Variants in MFHAS1 observed in about 807,000 individuals in gnomAD.
MFHAS1 encodes the protein multifunctional ROCO family signaling regulator 1, also known as malignant fibrous histiocytoma-amplified sequence 1.
In MFHAS1, 50 loss-of-function variants were observed where a neutral mutation model predicts 70.4. That is an observed-to-expected ratio of 0.71 (90% CI 0.57 to 0.90). The LOEUF (loss-of-function observed/expected upper bound fraction) is 0.90, where lower values mean the gene tolerates loss of function less well. Ranked by LOEUF, MFHAS1 falls within the 40% of genes least tolerant of loss-of-function variation. The pLI, the probability that MFHAS1 is intolerant of heterozygous loss-of-function variation, is 0.00. For synonymous variants in MFHAS1, 952 were observed against 620.0 expected, an observed-to-expected ratio of 1.54 and a Z score of -7.96; for missense variants, 1,795 against 1,347.6, an observed-to-expected ratio of 1.33 and a Z score of -5.20.
Position 8,828,873 on chromosome 8 carries a change from G to A in MFHAS1, c.2999-31382C>T, listed in dbSNP as rs543606451. On this transcript the variant is annotated intron_variant, in intron 1 of 2. Transcript: ENST00000276282. ...GTAGATTCCTTAGAGACTAGTGGCC[G>A]AGCTCTTATCCCGCCCCTAGCTCAG... Among the ~76,000 whole-genome samples, 12 of 152,258 alleles carry A rather than the reference G, an allele frequency of 7.9e-5. No individual in the cohort carries two copies. The East Asian group carries it at 1.5e-3, about 20-fold the overall frequency.
chr8:8,830,322 A>G (rs1807336990), intron 1 of MFHAS1, among the ~76,000 whole-genome samples: 1 of 152,208 alleles, frequency 6.6e-6, no homozygotes, highest in South Asian at 2.1e-4. Context: ...CATTTTAACT[A>G]AAAGAAGACT....
chr8:8,887,999 T>C lies in MFHAS1; in HGVS notation c.2998+2062A>G, dbSNP rs73662204. ...TTATTACTTTGGATTAAGAATGGCT[T>C]CAGGTTGCTCCTTCAGTAAACTACC... On this transcript the variant is annotated intron_variant, in intron 1 of 2. Transcript: ENST00000276282. 3.4e-3 allele frequency among the ~76,000 whole-genome samples: 515 copies of C among 152,330 alleles called. 5 individuals are homozygous for C. Among genetic ancestry groups the C allele is most frequent in the African/African-American group, 0.011 (467 of 41,574 alleles).
At chr8:8,838,536 G>C (rs1241348817) in intron 1 of MFHAS1, among the ~76,000 whole-genome samples, 3 of 152,086 alleles carry the variant, frequency 2.0e-5, no homozygotes, top group Non-Finnish European at 4.4e-5. Flanking sequence ...ATATCAGCTG[G>C]GCACGTTGGC....
intron 1 of MFHAS1, among the ~76,000 whole-genome samples, chr8:8,833,651 A>G (rs1474819163): frequency 6.6e-6 from 1 of 152,096 alleles, no homozygotes; most frequent in Non-Finnish European, 1.5e-5. Context: ...AATTAAATCA[A>G]CAAATAAACA....
intron 1 of MFHAS1, among the ~76,000 whole-genome samples, chr8:8,839,126 T>A (rs56218435): frequency 0.087 from 13,198 of 152,168 alleles, 731 homozygotes; most frequent in Middle Eastern, 0.13. Context: ...CTATTCTGGA[T>A]ATTACTTAGT....
Position 8,797,489 on chromosome 8 carries a change from C to A in MFHAS1, c.3001G>T (p.Glu1001Ter), listed in dbSNP as rs1805947731. 1.2e-6 allele frequency: 2 copies of A among 1,613,236 alleles called. No individual in the cohort carries two copies. The highest frequency in any genetic ancestry group is 8.5e-7 in the Non-Finnish European group (1 of 1,179,386). Residue 1001 changes from glutamate to a stop codon, truncating the protein, a stop_gained and splice_region_variant, in exon 2 of 3, where the codon GAG (glutamate) becomes TAG (stop). Transcript: ENST00000276282. LOFTEE classifies it high-confidence loss of function. Reference protein sequence around the residue: ...GSPNPHAFPGELLSQPRPEGV... With the variant: ...GSPNPHAFPG ...TCCGGTCTGGGCTGACTCAGCAACT[C>A]CCCTGTAGGAGGAGAGAGAAAAACG...
intron 1 of MFHAS1, among the ~76,000 whole-genome samples, chr8:8,842,009 C>G (rs1231707927): frequency 6.6e-6 from 1 of 152,182 alleles, no homozygotes; most frequent in Non-Finnish European, 1.5e-5. Flanking sequence ...CGGTGTTTCT[C>G]TACGGTGAAA....
intron 1 of MFHAS1, among the ~76,000 whole-genome samples, chr8:8,798,774 C>T (rs939983865): frequency 7.2e-5 from 11 of 152,134 alleles, no homozygotes; most frequent in African/African-American, 9.7e-5. Flanking sequence ...CCGGGCTGGG[C>T]GCGGTGGCTC....
intron 1 of MFHAS1, among the ~76,000 whole-genome samples, chr8:8,867,772 T>A (rs987583281): frequency 6.6e-6 from 1 of 151,992 alleles, no homozygotes; most frequent in Non-Finnish European, 1.5e-5. Context: ...TTAGGCAGGA[T>A]TGTCTCGATC....
chr8:8,889,106 G>A (rs2041009699), intron 1 of MFHAS1, among the ~76,000 whole-genome samples: 1 of 145,852 alleles, frequency 6.9e-6, no homozygotes, highest in African/African-American at 2.5e-5. Context: ...TTTAAAAAAA[G>A]AAAACGAAAA....
intron 1 of MFHAS1, among the ~76,000 whole-genome samples, chr8:8,830,661 G>A (rs1438248401): frequency 6.6e-6 from 1 of 152,166 alleles, no homozygotes; most frequent in Admixed American, 6.5e-5. Context: ...GCAGTGCAGT[G>A]GTGTGATCTT....
intron 1 of MFHAS1, among the ~76,000 whole-genome samples, chr8:8,845,955 A>G (rs2116862018): frequency 6.6e-6 from 1 of 152,048 alleles, no homozygotes; most frequent in East Asian, 1.9e-4. Context: ...GATCCTCCAA[A>G]CAGATCTAGA....
chr8:8,862,611 G>C (rs1808708756), intron 1 of MFHAS1, among the ~76,000 whole-genome samples: 1 of 152,126 alleles, frequency 6.6e-6, no homozygotes, highest in African/African-American at 2.4e-5. Flanking sequence ...AGGAATTTTA[G>C]GGCAGTAAAA....
At chr8:8,845,346 G>A (rs951784012) in intron 1 of MFHAS1, among the ~76,000 whole-genome samples, 16 of 152,198 alleles carry the variant, frequency 1.1e-4, no homozygotes, top group African/African-American at 3.6e-4. Flanking sequence ...TGATGTATCT[G>A]TGAAGCAGCA....
At chr8:8,885,271 T>C (rs573146572) in intron 1 of MFHAS1, among the ~76,000 whole-genome samples, 1 of 151,538 alleles carries the variant, frequency 6.6e-6, no homozygotes, top group Admixed American at 6.6e-5. Flanking sequence ...TAACTCATTC[T>C]GTCTACTGAT....
chr8:8,797,008 C>CA (rs376726711), intron 2 of MFHAS1, among the ~76,000 whole-genome samples: 3 of 151,732 alleles, frequency 2.0e-5, no homozygotes, highest in Admixed American at 6.6e-5. Flanking sequence ...AAAACAACAA[C>CA]AAAAAAAATG....
chr8:8,827,355 T>C (rs910450798), intron 1 of MFHAS1, among the ~76,000 whole-genome samples: 1 of 152,242 alleles, frequency 6.6e-6, no homozygotes, highest in Non-Finnish European at 1.5e-5. Flanking sequence ...TCTAAGGATA[T>C]TGTAGAAATG....
intron 1 of MFHAS1, among the ~76,000 whole-genome samples, chr8:8,881,516 C>A (rs769697183): frequency 1.3e-5 from 2 of 152,182 alleles, no homozygotes; most frequent in Non-Finnish European, 2.9e-5. Context: ...TCAGACCTCA[C>A]GCTCCTCACC....
chr8:8,786,956 C>CA (rs945944115), intron 2 of MFHAS1, among the ~76,000 whole-genome samples: 2 of 151,724 alleles, frequency 1.3e-5, no homozygotes, highest in African/African-American at 2.4e-5. Context: ...CAAAACAAAA[C>CA]AAAAAAACCA....
Sources: gnomAD v4.1 joint callset for allele counts (sites outside exome capture counted in the v4.1 genomes callset) on GRCh38, gnomAD v4.1.1 for gene constraint, MANE v1.5 for transcripts, NCBI Gene and HGNC (gene_info 2026-07-23, HGNC 2026-07-21) for gene names.